TDRP: variants seen among roughly 807,000 people sequenced by gnomAD.
The protein encoded by TDRP is testis development related protein, also known as testis development-related protein.
A neutral mutation model predicts 10.5 loss-of-function variants in TDRP; 12 were observed. The ratio of observed to expected loss-of-function variants is 1.15; its 90% confidence interval spans 0.73 to 1.86. The LOEUF is 1.86. TDRP is among the 40% of genes most tolerant of loss of function. The pLI, the probability that TDRP is intolerant of heterozygous loss-of-function variation, is 0.00. For synonymous variants in TDRP, 139 were observed against 95.4 expected, an observed-to-expected ratio of 1.46 and a Z score of -2.67; for missense variants, 353 against 229.2, an observed-to-expected ratio of 1.54 and a Z score of -3.49.
chr8:496,380 C>T (rs537828596), intron 1 of TDRP, among the ~76,000 whole-genome samples: 3 of 152,200 alleles, frequency 2.0e-5, no homozygotes, highest in Non-Finnish European at 4.4e-5. Context: ...GAGGAAGGAC[C>T]ATGTGCAGTC....
At chr8:529,723 T>G (rs1209665449) in intron 1 of TDRP, among the ~76,000 whole-genome samples, 1 of 152,218 alleles carries the variant, frequency 6.6e-6, no homozygotes, top group Admixed American at 6.5e-5. Flanking sequence ...ATGTTTCTGC[T>G]GACAAATCTG....
At chr8:527,436 A>G (rs1488094122) in intron 1 of TDRP, among the ~76,000 whole-genome samples, 1 of 152,192 alleles carries the variant, frequency 6.6e-6, no homozygotes, top group African/African-American at 2.4e-5. Flanking sequence ...ATGGAATCAC[A>G]AAAGACCCAG....
intron 1 of TDRP, among the ~76,000 whole-genome samples, chr8:508,853 A>G (rs1222748461): frequency 4.6e-5 from 7 of 152,222 alleles, no homozygotes; most frequent in Admixed American, 4.6e-4. Context: ...TTTTGCCTAT[A>G]AGCCTGTAAA....
At chr8:541,459 A>G (rs893588994) in intron 1 of TDRP, among the ~76,000 whole-genome samples, 2 of 152,252 alleles carry the variant, frequency 1.3e-5, no homozygotes, top group African/African-American at 4.8e-5. Flanking sequence ...AGACACTGTC[A>G]AGAGAATGTG....
chr8:517,279 A>C (rs142885363), intron 1 of TDRP, among the ~76,000 whole-genome samples: 2 of 152,294 alleles, frequency 1.3e-5, no homozygotes, highest in Admixed American at 1.3e-4. Context: ...TATATTTCAC[A>C]TATTTTGGAA....
chr8:514,071 T>C (rs537719158), intron 1 of TDRP, among the ~76,000 whole-genome samples: 1 of 152,324 alleles, frequency 6.6e-6, no homozygotes, highest in African/African-American at 2.4e-5. Flanking sequence ...ACCAGCTGAT[T>C]CTTTGTAAAA....
At chr8:499,709 C>T (rs558215594) in intron 1 of TDRP, among the ~76,000 whole-genome samples, 5 of 152,232 alleles carry the variant, frequency 3.3e-5, no homozygotes, top group Non-Finnish European at 5.9e-5. Flanking sequence ...CCAGATATCT[C>T]GGTCTTCACC....
In TDRP at chr8:544,638, G is replaced by A. The variant is rs1279597422; in HGVS notation, c.108+12C>T. On this transcript the variant is annotated intron_variant, in intron 1 of 2. Coordinates refer to ENST00000324079, the MANE Select transcript of TDRP (RefSeq NM_001384899.1). ...CGGCCTACTAGCACTCCCCACCTGC[G>A]CACCCCCTCACCTGCGCCTGGGCGG... 5 of 1,233,096 alleles carry A rather than the reference G, an allele frequency of 4.1e-6. No individual in the cohort carries two copies. In the East Asian group the frequency reaches 9.6e-5, roughly 24 times the overall value. 76.4% of individuals were successfully genotyped at this position (1,233,096 alleles called of 1,614,324 possible).
chr8:542,548 C>A (rs186483420), intron 1 of TDRP, among the ~76,000 whole-genome samples: 1 of 151,982 alleles, frequency 6.6e-6, no homozygotes, highest in Non-Finnish European at 1.5e-5. Context: ...TTTTTCCCCC[C>A]AAAACCAACA....
At chr8:509,726 G>C (rs774722239) in intron 1 of TDRP, among the ~76,000 whole-genome samples, 1 of 152,128 alleles carries the variant, frequency 6.6e-6, no homozygotes, top group Non-Finnish European at 1.5e-5. Flanking sequence ...ATTAACATTT[G>C]GCTCCTTGCT....
intron 1 of TDRP, among the ~76,000 whole-genome samples, chr8:520,114 T>C (rs1331565971): frequency 6.6e-6 from 1 of 152,214 alleles, no homozygotes; most frequent in Non-Finnish European, 1.5e-5. Flanking sequence ...GGGAGAAAAG[T>C]GGAAAGAAAA....
chr8:517,034 G>C (rs986254006), intron 1 of TDRP, among the ~76,000 whole-genome samples: 3 of 152,152 alleles, frequency 2.0e-5, no homozygotes, highest in Non-Finnish European at 2.9e-5. Context: ...GCTCTTGGAG[G>C]AACCAGAAAA....
At position 500,935 on chromosome 8, in the gene TDRP, G is replaced by A. The variant is rs181645355; in HGVS notation, c.109-6338C>T. ...ACAAGAACATGAGCAGGCCGGGCGC[G>A]GTGTCTCACACCTGTAATCCCAGCA... On this transcript the variant is annotated intron_variant, in intron 1 of 2. Coordinates refer to ENST00000324079, the MANE Select transcript of TDRP (RefSeq NM_001384899.1). Among the ~76,000 whole-genome samples the A allele has an allele frequency of 3.3e-5, 5 of 152,294 alleles. No individual in the cohort carries two copies. The East Asian group carries it at 5.8e-4, about 18-fold the overall frequency.
intron 1 of TDRP, among the ~76,000 whole-genome samples, chr8:535,072 G>C (rs1425685074): frequency 1.3e-5 from 2 of 152,168 alleles, no homozygotes; most frequent in Non-Finnish European, 2.9e-5. Flanking sequence ...CTGCCATTTA[G>C]TCTATAACAT....
At chr8:520,432 T>C (rs923981607) in intron 1 of TDRP, among the ~76,000 whole-genome samples, 1 of 152,184 alleles carries the variant, frequency 6.6e-6, no homozygotes, top group Non-Finnish European at 1.5e-5. Context: ...CTCTTTGAGA[T>C]CCTGTTTTCC....
chr8:512,277 A>AC (rs1801640407), intron 1 of TDRP, among the ~76,000 whole-genome samples: 4 of 151,780 alleles, frequency 2.6e-5, no homozygotes, highest in African/African-American at 7.3e-5. Context: ...CAACAACAAA[A>AC]AAAAAAATGA....
intron 1 of TDRP, among the ~76,000 whole-genome samples, chr8:509,826 A>C (rs1019085431): frequency 4.6e-5 from 7 of 152,190 alleles, no homozygotes; most frequent in African/African-American, 1.7e-4. Flanking sequence ...CAAAGTTTCC[A>C]AACTTTGACG....
At chr8:501,837 A>G (rs1401650197) in intron 1 of TDRP, among the ~76,000 whole-genome samples, 1 of 152,244 alleles carries the variant, frequency 6.6e-6, no homozygotes, top group Non-Finnish European at 1.5e-5. Flanking sequence ...GCGTCCCTGC[A>G]GTCATGGGCC....
chr8:510,519 A>G (rs907847304), intron 1 of TDRP, among the ~76,000 whole-genome samples: 9 of 152,272 alleles, frequency 5.9e-5, no homozygotes, highest in Admixed American at 2.0e-4. Flanking sequence ...GGAAGCCCCA[A>G]TAAGATTAAC....
Sources: allele counts gnomAD v4.1 joint callset (sites outside exome capture counted in the v4.1 genomes callset), GRCh38; gene constraint gnomAD v4.1.1; transcripts MANE v1.5; gene names NCBI Gene and HGNC (gene_info 2026-07-23, HGNC 2026-07-21).